Variants in NCF4 observed in about 807,000 individuals in gnomAD.
NCF4 encodes the protein neutrophil cytosol factor 4.
A neutral mutation model predicts 41.7 loss-of-function variants in NCF4; 30 were observed. The ratio of observed to expected loss-of-function variants is 0.72; its 90% CI spans 0.54 to 0.97. The LOEUF is 0.97. Ranked by LOEUF, NCF4 falls within the 50% of genes least tolerant of loss-of-function variation. The pLI is 0.00. For synonymous variants in NCF4, 195 were observed against 175.8 expected, an observed-to-expected ratio of 1.11 and a Z score of -0.87; for missense variants, 432 against 460.9, an observed-to-expected ratio of 0.94 and a Z score of 0.57.
At chr22:36,876,212 T>G (rs1362565888) in intron 9 of NCF4, 118 bp downstream of exon 9, 1 of 1,062,456 alleles carries the variant, frequency 9.4e-7, no homozygotes, top group Non-Finnish European at 1.3e-6. Flanking sequence ...TCTTCTCTTT[T>G]TATCCGCAGC....
chr22:36,875,764 G>A lies in NCF4; in HGVS notation c.739G>A (p.Asp247Asn), dbSNP rs893324789. 1.2e-6 allele frequency: 2 copies of A among 1,614,110 alleles called. No individual in the cohort carries two copies. Among genetic ancestry groups the A allele is most frequent in the Non-Finnish European group, 1.7e-6 (2 of 1,180,040 alleles). Residue 247 changes from aspartate (D) to asparagine (N), a missense_variant, in exon 8 of 10, where the codon GAC becomes AAC. Coordinates refer to ENST00000248899, the MANE Select transcript of NCF4 (RefSeq NM_000631.5). The part of the protein sequence containing the change: ...TNWLRCYYYE[D>N]TISTIKDIAV... ...CTGGCTGCGTTGCTACTACTACGAA[G>A]ACACCATCAGCACCATCAAGTCTGT...
At chr22:36,867,780 C>T (rs1013608708) in intron 4 of NCF4, among the ~76,000 whole-genome samples, 4 of 152,222 alleles carry the variant, frequency 2.6e-5, no homozygotes, top group African/African-American at 4.8e-5. Flanking sequence ...CATCCAGTGT[C>T]TGCCCCCAAG....
chr22:36,875,578 G>A (rs748666400), intron 7 of NCF4, 75 bp from the exon 8 acceptor site: 176 of 1,395,096 alleles, frequency 1.3e-4, no homozygotes, highest in Middle Eastern at 1.8e-4. Flanking sequence ...TCACTAGAAC[G>A]GGGCTGAGGG....
chr22:36,870,736 C>A (rs1940037156), intron 5 of NCF4, among the ~76,000 whole-genome samples, 194 bp downstream of exon 5: 1 of 152,170 alleles, frequency 6.6e-6, no homozygotes, highest in African/African-American at 2.4e-5. Context: ...GTGTGCCTTT[C>A]AATGTGATAA....
At chr22:36,877,486 G>A (rs1012920369) in intron 9 of NCF4, 142 bp from the exon 10 acceptor site, 10 of 848,742 alleles carry the variant, frequency 1.2e-5, no homozygotes, top group Admixed American at 4.0e-5. Flanking sequence ...TGGGAGGTTA[G>A]ATTACTTGGA....
chr22:36,875,971 C>G lies in NCF4; in HGVS notation c.759-58C>G, dbSNP rs750610795. On this transcript the variant is annotated intron_variant, in intron 8 of 9. Coordinates refer to ENST00000248899, the MANE Select transcript of NCF4 (RefSeq NM_000631.5). ...TGGCCAGCCTCATTCCCCTTTCCCC[C>G]ACCCCACACCCCACTTCCAGCCTGA... 3.1e-6 allele frequency: 5 copies of G among 1,614,000 alleles called. No homozygotes were observed. The Middle Eastern group carries it at 4.9e-4, about 160-fold the overall frequency.
At position 36,865,108 on chromosome 22, in the gene NCF4, G is replaced by A; in HGVS notation, c.271+36G>A. ...ACTCCCGTCCTGCTGCTGCAGAGCT[G>A]CTGACTCTCCTTCCTTCCAGGGCCC... On this transcript the variant is annotated intron_variant, in intron 3 of 9. Transcript: ENST00000248899. This position sits in a 1 kb window ranked among gnomAD's most constrained non-coding sequence, Gnocchi z 4.3. 1.2e-6 allele frequency: 2 copies of A among 1,602,820 alleles called. No individual in the cohort carries two copies. The highest frequency in any genetic ancestry group is 1.7e-6 in the Non-Finnish European group (2 of 1,179,516).
At chr22:36,863,237 C>T (rs150485546) in intron 1 of NCF4, among the ~76,000 whole-genome samples, 1 of 152,220 alleles carries the variant, frequency 6.6e-6, no homozygotes, top group East Asian at 1.9e-4. Context: ...TGAGCAGAGT[C>T]CTTGCCCTCA....
intron 2 of NCF4, 28 bp from the exon 3 acceptor site, chr22:36,864,891 C>A (rs1939886291): frequency 6.2e-7 from 1 of 1,613,786 alleles, no homozygotes; most frequent in African/African-American, 1.3e-5. Context: ...GGCCCCTGAG[C>A]CCTCCCCACA....
intron 6 of NCF4, 56 bp from the exon 7 acceptor site, chr22:36,872,271 T>C (rs1252314835): frequency 7.5e-7 from 1 of 1,326,278 alleles, no homozygotes; most frequent in Non-Finnish European, 1.1e-6. Flanking sequence ...AAGGCACTTC[T>C]ATAGGAACTC....
At chr22:36,872,041 T>G (rs1206016657) in intron 6 of NCF4, 11 of 672,208 alleles carry the variant, frequency 1.6e-5, no homozygotes, top group Non-Finnish European at 2.7e-5. Context: ...CAGCCCACGA[T>G]GAAGCCTGGG....
In NCF4 at chr22:36,865,419, A is replaced by G. The variant is rs1057075612; in HGVS notation, c.271+347A>G. On this transcript the variant is annotated intron_variant, in intron 3 of 9. Coordinates refer to ENST00000248899, the MANE Select transcript of NCF4 (RefSeq NM_000631.5). The surrounding 1 kb of genome is among the most constrained non-coding windows in gnomAD (Gnocchi z 4.3). ...GAATCCCCCAGTCTGGTCCCTAAAC[A>G]CACTGACTCACCTCCCTGCCCACCC... Among the ~76,000 whole-genome samples the G allele has an allele frequency of 6.6e-6, 1 of 151,892 alleles. No individual in the cohort carries two copies. The highest frequency in any genetic ancestry group is 1.5e-5 in the Non-Finnish European group (1 of 67,952).
At position 36,870,210 on chromosome 22, in the gene NCF4, G is replaced by C. The variant is rs961050903; in HGVS notation, c.343-205G>C. On this transcript the variant is annotated intron_variant, in intron 4 of 9. Transcript: ENST00000248899. The stretch of plus-strand genomic sequence containing the variant: ...AGCCCCTGGTCCCTCTCCTGACCTT[G>C]GACCCAGGAGCAGAGCTTGTGAAGT... The C allele has an allele frequency of 4.2e-6, 3 of 710,432 alleles. No homozygotes were observed. The East Asian group carries it at 8.3e-5, about 20-fold the overall frequency. 44.0% of individuals were successfully genotyped at this position (710,432 alleles called of 1,614,324 possible).
intron 9 of NCF4, among the ~76,000 whole-genome samples, chr22:36,876,581 T>C (rs1173429304): frequency 1.3e-5 from 2 of 152,210 alleles, no homozygotes; most frequent in African/African-American, 2.4e-5. Flanking sequence ...CCCCTCGTTA[T>C]GTGACGTACA....
In NCF4 at chr22:36,867,427, G is replaced by A. The variant is rs1440444385; in HGVS notation, c.307G>A (p.Glu103Lys). 5.6e-6 allele frequency: 9 copies of A among 1,614,202 alleles called. No homozygotes were observed. In the East Asian group the frequency reaches 6.7e-5, roughly 12 times the overall value. Reference protein sequence around the residue: ...VYVGVKQEIAEMRIPALNAYM... With the variant: ...VYVGVKQEIAKMRIPALNAYM... ...CGTGGGTGTGAAACAGGAGATCGCCGAGATGCGGATACCTGCCCTCAACGC... is the reference window on the plus strand; with the variant it reads ...CGTGGGTGTGAAACAGGAGATCGCCAAGATGCGGATACCTGCCCTCAACGC... Residue 103 changes from glutamate (E) to lysine (K), a missense_variant, in exon 4 of 10, where the codon GAG (glutamate) becomes AAG (lysine). Glu to Lys is a moderately conservative substitution (Grantham distance 56). Transcript: ENST00000248899.
chr22:36,867,380 G>T lies in NCF4; in HGVS notation c.272-12G>T, dbSNP rs201398048. 23 of 1,614,182 alleles carry T rather than the reference G, an allele frequency of 1.4e-5. No individual in the cohort carries two copies. The African/African-American group carries it at 2.9e-4, about 21-fold the overall frequency. ...GGCCAGGCTCCTAGGACAGCTCTTT[G>T]TCTCTTCTCAGCCAAAGTCTACGTG... On this transcript the variant is annotated splice_polypyrimidine_tract_variant and intron_variant, in intron 3 of 9. Transcript: ENST00000248899.
At chr22:36,872,538 G>T in intron 7 of NCF4, 113 bp downstream of exon 7, 1 of 884,986 alleles carries the variant, frequency 1.1e-6, no homozygotes, top group Non-Finnish European at 1.8e-6. Context: ...TGAAGGTGAG[G>T]GTGGAGGTGA....
intron 7 of NCF4, among the ~76,000 whole-genome samples, chr22:36,874,115 G>T (rs1183591671): frequency 3.3e-5 from 5 of 152,210 alleles, no homozygotes; most frequent in Non-Finnish European, 7.3e-5. Context: ...GGTGTGCGGC[G>T]CCTGGCCAGG....
chr22:36,864,214 C>A, intron 2 of NCF4, 85 bp downstream of exon 2: 2 of 1,135,240 alleles, frequency 1.8e-6, no homozygotes, highest in Non-Finnish European at 2.7e-6. Context: ...GACCTCTGAA[C>A]CTCCAATTCT....
Sources: gnomAD v4.1 joint callset for allele counts (sites outside exome capture counted in the v4.1 genomes callset) on GRCh38, gnomAD v4.1.1 for gene constraint, Gnocchi (gnomAD v3.1) non-coding constraint, MANE v1.5 for transcripts, NCBI Gene and HGNC (gene_info 2026-07-23, HGNC 2026-07-21) for gene names.